Variants in MYT1L observed in about 807,000 individuals in gnomAD.
MYT1L encodes the protein myelin transcription factor 1 like.
In MYT1L, 12 loss-of-function variants were observed where a neutral mutation model predicts 126.7. The observed-to-expected ratio is 0.09, with a 90% CI of 0.06 to 0.15. The LOEUF (loss-of-function observed/expected upper bound fraction) is 0.15, where lower values mean the gene tolerates loss of function less well. MYT1L is among the 10% of genes least tolerant of loss of function. The pLI, the probability that MYT1L is intolerant of heterozygous loss-of-function variation, is 1.00. For synonymous variants in MYT1L, 541 were observed against 604.2 expected, an observed-to-expected ratio of 0.90 and a Z score of 1.53; for missense variants, 979 against 1,585.2, an observed-to-expected ratio of 0.62 and a Z score of 6.49.
At chr2:2,260,978 A>G (rs1283203091) in intron 2 of MYT1L, among the ~76,000 whole-genome samples, 1 of 152,158 alleles carries the variant, frequency 6.6e-6, no homozygotes, top group African/African-American at 2.4e-5. Context: ...CCTGTCCTTG[A>G]TACTTTGTTA....
At chr2:2,171,595 C>G (rs559548926) in intron 3 of MYT1L, among the ~76,000 whole-genome samples, 182 of 152,154 alleles carry the variant, frequency 1.2e-3, no homozygotes, top group African/African-American at 4.1e-3. Flanking sequence ...ATGTGAATAG[C>G]TTCTTTTGTT....
At chr2:1,960,379 G>A (rs752420139) in intron 8 of MYT1L, among the ~76,000 whole-genome samples, 7 of 152,158 alleles carry the variant, frequency 4.6e-5, no homozygotes, top group Non-Finnish European at 1.0e-4. Flanking sequence ...CTTGTCCCAG[G>A]CCCTACTTCT....
At chr2:1,857,333 T>G (rs1166966449) in intron 18 of MYT1L, among the ~76,000 whole-genome samples, 1 of 152,206 alleles carries the variant, frequency 6.6e-6, no homozygotes, top group Non-Finnish European at 1.5e-5. Flanking sequence ...CTAAAAGGAC[T>G]CCCAGAATGT....
intron 1 of MYT1L, among the ~76,000 whole-genome samples, chr2:2,317,367 G>A: frequency 6.6e-6 from 1 of 152,094 alleles, no homozygotes; most frequent in East Asian, 1.9e-4. Flanking sequence ...TGAGATTGCT[G>A]TCCATGTGAA....
At chr2:1,959,876 CA>C (rs2058818036) in intron 8 of MYT1L, among the ~76,000 whole-genome samples, 3 of 152,202 alleles carry the variant, frequency 2.0e-5, no homozygotes, top group Admixed American at 2.0e-4. Context: ...GCAAAGCCAT[CA>C]TATCTTATTA....
chr2:1,928,952 G>C (rs1009021187), intron 9 of MYT1L, among the ~76,000 whole-genome samples: 1 of 152,156 alleles, frequency 6.6e-6, no homozygotes, highest in Non-Finnish European at 1.5e-5. Context: ...AGACAGTTGA[G>C]AGCCAGGATA....
rs1179859407 is a variant in MYT1L, at chr2:1,912,120, G to A, written c.1619-10C>T. ...TCATGCATGGCAAGGACTTGACAGG[G>A]AGAGGCAAAGAGAACAGCCAGTGTT... On this transcript the variant is annotated splice_polypyrimidine_tract_variant and intron_variant, in intron 11 of 24. Coordinates refer to ENST00000647738, the MANE Select transcript of MYT1L (RefSeq NM_001303052.2). This position sits in a 1 kb window ranked among gnomAD's most constrained non-coding sequence, Gnocchi z 4.3. 1.3e-6 allele frequency: 2 copies of A among 1,556,150 alleles called. No individual in the cohort carries two copies. Among genetic ancestry groups the A allele is most frequent in the Admixed American group, 3.5e-5 (2 of 57,038 alleles).
At position 2,027,492 on chromosome 2, in the gene MYT1L, G is replaced by C. The variant is rs146172433; in HGVS notation, c.-158+26486C>G. Among the ~76,000 whole-genome samples, 339 of 152,292 alleles carry C rather than the reference G, an allele frequency of 2.2e-3. 1 individual carries two copies. Among genetic ancestry groups the C allele is most frequent in the African/African-American group, 7.8e-3 (325 of 41,568 alleles). ...GATTCATGGGGATGATGTACTGACC[G>C]GATTCTGGGAAATAAGCCAACGTGT... is the stretch of plus-strand genomic sequence containing the variant. On this transcript the variant is annotated intron_variant, in intron 4 of 24. Coordinates refer to ENST00000647738, the MANE Select transcript of MYT1L (RefSeq NM_001303052.2).
At chr2:2,254,944 G>A (rs113153858) in intron 2 of MYT1L, among the ~76,000 whole-genome samples, 3,360 of 152,014 alleles carry the variant, frequency 0.022, 106 homozygotes, top group African/African-American at 0.076. Flanking sequence ...TAATATACAT[G>A]TGCCATATTC....
At chr2:1,954,738 G>A (rs115574174) in intron 8 of MYT1L, among the ~76,000 whole-genome samples, 2,456 of 152,116 alleles carry the variant, frequency 0.016, 17 homozygotes, top group Middle Eastern at 0.024. Context: ...AATTACAATT[G>A]ATTTGAAAAA....
intron 4 of MYT1L, among the ~76,000 whole-genome samples, chr2:2,026,573 G>A (rs931473000): frequency 2.3e-4 from 35 of 152,222 alleles, no homozygotes; most frequent in African/African-American, 8.2e-4. Context: ...GTAAGAAAGC[G>A]GCTTCTCAGG....
chr2:2,251,469 A>G (rs1572852000), intron 2 of MYT1L, among the ~76,000 whole-genome samples: 2 of 152,162 alleles, frequency 1.3e-5, no homozygotes, highest in South Asian at 4.1e-4. Flanking sequence ...GAAACCTGGC[A>G]TGACAGGACT....
chr2:1,932,934 G>A (rs2149188734), intron 9 of MYT1L, among the ~76,000 whole-genome samples: 1 of 152,248 alleles, frequency 6.6e-6, no homozygotes, highest in South Asian at 2.1e-4. Context: ...GGAAGCCTGG[G>A]CCAACCACAT....
intron 2 of MYT1L, among the ~76,000 whole-genome samples, chr2:2,190,457 T>A (rs1218635870): frequency 1.2e-4 from 1 of 8,370 alleles, no homozygotes; most frequent in African/African-American, 7.8e-3. Flanking sequence ...TGTATGCCTA[T>A]TTTTTTTTTC....
At chr2:1,955,100 C>T (rs2058225248) in intron 8 of MYT1L, among the ~76,000 whole-genome samples, 1 of 149,554 alleles carries the variant, frequency 6.7e-6, no homozygotes, top group Admixed American at 6.7e-5. Context: ...AAGATCAAGC[C>T]ACTGCACACT....
intron 3 of MYT1L, among the ~76,000 whole-genome samples, chr2:2,086,039 A>C (rs1275317528): frequency 1.3e-5 from 2 of 152,194 alleles, no homozygotes; most frequent in Non-Finnish European, 2.9e-5. Flanking sequence ...GTTGGATCTC[A>C]TTCTGATTTC....
At chr2:1,965,618 A>T (rs759635454) in intron 8 of MYT1L, among the ~76,000 whole-genome samples, 3 of 152,184 alleles carry the variant, frequency 2.0e-5, no homozygotes, top group Non-Finnish European at 1.5e-5. Flanking sequence ...TCCCTTTTTC[A>T]CACGCGGGAA....
At chr2:2,167,519 C>T (rs1034956809) in intron 3 of MYT1L, among the ~76,000 whole-genome samples, 1 of 152,196 alleles carries the variant, frequency 6.6e-6, no homozygotes, top group Non-Finnish European at 1.5e-5. Context: ...CAAACCCTGT[C>T]TCCTCTTTGC....
At chr2:1,976,851 C>A (rs1366598477) in intron 8 of MYT1L, among the ~76,000 whole-genome samples, 1 of 152,116 alleles carries the variant, frequency 6.6e-6, no homozygotes, top group Middle Eastern at 3.2e-3. Context: ...AAGGCTCACA[C>A]AGTGACAACA....
Sources: gnomAD v4.1 joint callset for allele counts (sites outside exome capture counted in the v4.1 genomes callset) on GRCh38, gnomAD v4.1.1 for gene constraint, Gnocchi (gnomAD v3.1) non-coding constraint, MANE v1.5 for transcripts, NCBI Gene and HGNC (gene_info 2026-07-23, HGNC 2026-07-21) for gene names.